Variants in CACNA2D3 observed in about 807,000 individuals in gnomAD.
CACNA2D3 encodes the protein calcium voltage-gated channel auxiliary subunit alpha2delta 3, also known as voltage-dependent calcium channel subunit alpha-2/delta-3.
Under a neutral mutation model 160.6 loss-of-function variants are expected in CACNA2D3, and 60 were observed. The observed-to-expected ratio is 0.37, with a 90% CI of 0.30 to 0.46. CACNA2D3 has a LOEUF of 0.46. Ranked by LOEUF, CACNA2D3 falls within the 20% of genes least tolerant of loss-of-function variation. The probability of loss-of-function intolerance (pLI) is 1.00; values close to 1 mark genes in which losing one functional copy is unlikely to be tolerated. For synonymous variants in CACNA2D3, 558 were observed against 492.9 expected (o/e 1.13, Z -1.75); for missense variants, 1,205 against 1,365.0 (o/e 0.88, Z 1.85).
chr3:54,466,378 T>C (rs1700626717), intron 4 of CACNA2D3, among the ~76,000 whole-genome samples: 1 of 152,214 alleles, frequency 6.6e-6, no homozygotes. Flanking sequence ...ATGATATCAC[T>C]GTTAATGCTG....
intron 3 of CACNA2D3, among the ~76,000 whole-genome samples, chr3:54,323,755 C>T (rs1575395208): frequency 6.6e-6 from 1 of 152,152 alleles, no homozygotes; most frequent in East Asian, 1.9e-4. Flanking sequence ...CGTGAGCCAC[C>T]GTGCTGGGCC....
At chr3:54,962,287 C>T (rs76548062) in intron 27 of CACNA2D3, among the ~76,000 whole-genome samples, 1,980 of 152,248 alleles carry the variant, frequency 0.013, 53 homozygotes, top group African/African-American at 0.044. Context: ...TAAGAGCCTG[C>T]TTGGCTGATA....
intron 34 of CACNA2D3, among the ~76,000 whole-genome samples, chr3:55,012,342 GT>G (rs1703229188): frequency 6.6e-6 from 1 of 152,054 alleles, no homozygotes; most frequent in Non-Finnish European, 1.5e-5. Flanking sequence ...TTTCTTAGGA[GT>G]TTGCACAGGG....
intron 4 of CACNA2D3, among the ~76,000 whole-genome samples, chr3:54,400,972 A>G (rs572422721): frequency 1.1e-4 from 17 of 152,308 alleles, no homozygotes; most frequent in African/African-American, 3.8e-4. Flanking sequence ...GAGATTTGAG[A>G]TAAGATAGGC....
At chr3:54,818,254 G>A (rs1028609469) in intron 14 of CACNA2D3, among the ~76,000 whole-genome samples, 4 of 152,094 alleles carry the variant, frequency 2.6e-5, no homozygotes, top group African/African-American at 2.4e-5. Flanking sequence ...CAACAATCTC[G>A]GCTCACGCAA....
At chr3:54,573,752 G>A (rs1316440967) in intron 8 of CACNA2D3, among the ~76,000 whole-genome samples, 2 of 152,182 alleles carry the variant, frequency 1.3e-5, no homozygotes, top group Non-Finnish European at 2.9e-5. Flanking sequence ...AACAGTTTGA[G>A]GCTTCTAAAT....
rs573179160 is a variant in CACNA2D3 at position 54,355,267 on chromosome 3, T to A, written c.322-31448T>A. Among the ~76,000 whole-genome samples the A allele has an allele frequency of 2.6e-5, 4 of 152,248 alleles. No individual in the cohort carries two copies. The South Asian group carries it at 8.3e-4, about 32-fold the overall frequency. ...TTGAGGCTAAGATTAGGAATGTAGG[T>A]CATACTTGAAGTGCAACTGGAGGCC... On this transcript the variant is annotated intron_variant, in intron 3 of 37. Coordinates refer to ENST00000474759, the MANE Select transcript of CACNA2D3 (RefSeq NM_018398.3).
chr3:54,893,404 G>A (rs1268290633), intron 25 of CACNA2D3, among the ~76,000 whole-genome samples: 3 of 138,868 alleles, frequency 2.2e-5, no homozygotes, highest in East Asian at 1.9e-4. Context: ...AATTTGAATG[G>A]ATGAAATCTG....
chr3:54,683,603 G>A (rs991561469), intron 11 of CACNA2D3, among the ~76,000 whole-genome samples: 3 of 152,164 alleles, frequency 2.0e-5, no homozygotes, highest in Non-Finnish European at 2.9e-5. Flanking sequence ...GGTACTTGGT[G>A]CAGGGAAAGC....
In CACNA2D3 at chr3:54,887,881, C is replaced by T. The variant is rs991262178; in HGVS notation, c.2057-78C>T. ...ATGAGAAAGTAGCCTGCAGATGCTG[C>T]ACAATGAGCCCATGAGTGCCTCTCA... On this transcript the variant is annotated intron_variant, in intron 23 of 37. Coordinates refer to ENST00000474759, the MANE Select transcript of CACNA2D3 (RefSeq NM_018398.3). The T allele has an allele frequency of 2.3e-5, 24 of 1,056,730 alleles. 1 individual carries two copies. The highest frequency in any genetic ancestry group is 3.1e-5 in the Non-Finnish European group (21 of 678,364). 65.5% of individuals were successfully genotyped at this position (1,056,730 alleles called of 1,614,324 possible).
At chr3:55,025,710 C>T (rs1199788839) in intron 35 of CACNA2D3, among the ~76,000 whole-genome samples, 1 of 148,584 alleles carries the variant, frequency 6.7e-6, no homozygotes, top group Non-Finnish European at 1.5e-5. Flanking sequence ...TCTGTTTTAG[C>T]TCTCTAATAC....
chr3:54,268,974 G>C (rs986846087), intron 2 of CACNA2D3, among the ~76,000 whole-genome samples: 2 of 152,210 alleles, frequency 1.3e-5, no homozygotes, highest in Admixed American at 1.3e-4. Flanking sequence ...AGAAGCCCAT[G>C]GAATGGGTTT....
At chr3:54,823,701 T>C (rs529650747) in intron 14 of CACNA2D3, among the ~76,000 whole-genome samples, 5 of 152,168 alleles carry the variant, frequency 3.3e-5, no homozygotes, top group Non-Finnish European at 7.4e-5. Flanking sequence ...ATTTTAAAAT[T>C]AGAGTGTAAC....
intron 17 of CACNA2D3, among the ~76,000 whole-genome samples, chr3:54,860,612 TG>T: frequency 6.6e-6 from 1 of 152,216 alleles, no homozygotes. Context: ...CTGCTCAGTA[TG>T]GAATTCTAGG....
chr3:54,802,906 G>A (rs1475127817), intron 13 of CACNA2D3, among the ~76,000 whole-genome samples: 1 of 152,188 alleles, frequency 6.6e-6, no homozygotes, highest in Non-Finnish European at 1.5e-5. Flanking sequence ...ATTCACGAAA[G>A]TCCGCTGTTC....
intron 13 of CACNA2D3, among the ~76,000 whole-genome samples, chr3:54,802,924 A>G (rs1703027487): frequency 1.3e-5 from 2 of 152,202 alleles, no homozygotes; most frequent in South Asian, 4.1e-4. Flanking sequence ...TTCTGCAGCC[A>G]CCACTGCTGT....
At chr3:54,231,700 A>C (rs1701772604) in intron 2 of CACNA2D3, among the ~76,000 whole-genome samples, 1 of 152,236 alleles carries the variant, frequency 6.6e-6, no homozygotes, top group Non-Finnish European at 1.5e-5. Context: ...AGGTAATTTT[A>C]TAAAAATTTG....
chr3:54,369,019 T>A (rs1355453233), intron 3 of CACNA2D3, among the ~76,000 whole-genome samples: 1 of 152,074 alleles, frequency 6.6e-6, no homozygotes, highest in East Asian at 1.9e-4. Context: ...GGTTCTCTTA[T>A]AGCTATCCTT....
chr3:54,798,785 C>T (rs1022897121), intron 13 of CACNA2D3, among the ~76,000 whole-genome samples: 3 of 152,194 alleles, frequency 2.0e-5, no homozygotes, highest in African/African-American at 7.2e-5. Flanking sequence ...GGGCACATTT[C>T]AGCACACAAG....
Sources: allele counts gnomAD v4.1 joint callset (sites outside exome capture counted in the v4.1 genomes callset), GRCh38; gene constraint gnomAD v4.1.1; transcripts MANE v1.5; gene names NCBI Gene and HGNC (gene_info 2026-07-23, HGNC 2026-07-21).